PDGFD: variants seen among roughly 807,000 people sequenced by gnomAD.
The protein encoded by PDGFD is platelet derived growth factor D, also known as platelet-derived growth factor D.
In PDGFD, 30 loss-of-function variants were observed where a neutral mutation model predicts 44.7. That is an observed-to-expected ratio of 0.67 (90% confidence interval 0.50 to 0.91). The LOEUF is 0.91. Ranked by LOEUF, PDGFD falls within the 40% of genes least tolerant of loss-of-function variation. The probability of loss-of-function intolerance (pLI) is 0.00; values close to 1 mark genes in which losing one functional copy is unlikely to be tolerated. For missense variants in PDGFD, 445 were observed against 457.8 expected, an observed-to-expected ratio of 0.97 and a Z score of 0.25; for synonymous variants, 173 against 168.4, an observed-to-expected ratio of 1.03 and a Z score of -0.21.
chr11:104,066,133 A>T (rs150924859), intron 1 of PDGFD, among the ~76,000 whole-genome samples: 1 of 152,184 alleles, frequency 6.6e-6, no homozygotes, highest in Non-Finnish European at 1.5e-5. Context: ...GTAAAAATGG[A>T]GGGAAATCAC....
chr11:104,013,127 T>C (rs1257079513), intron 1 of PDGFD, among the ~76,000 whole-genome samples: 1 of 152,194 alleles, frequency 6.6e-6, no homozygotes, highest in African/African-American at 2.4e-5. Context: ...AATGTTGAAG[T>C]GTCTGAATGT....
In PDGFD at chr11:104,068,846, G is replaced by A. The variant is rs147297308; in HGVS notation, c.125-68591C>T. Among the ~76,000 whole-genome samples, 960 of 151,940 alleles carry A rather than the reference G, an allele frequency of 6.3e-3. 7 individuals carry two copies. Among genetic ancestry groups the A allele is most frequent in the African/African-American group, 0.022 (893 of 41,444 alleles). On this transcript the variant is annotated intron_variant, in intron 1 of 6. Transcript: ENST00000393158. ...CATATGCCTCTGTGTGTGTGTCTGC[G>A]TGTGTATTTTTTCTGAATTATTTCA...
chr11:104,055,144 C>A (rs1464294186), intron 1 of PDGFD, among the ~76,000 whole-genome samples: 1 of 152,196 alleles, frequency 6.6e-6, no homozygotes, highest in South Asian at 2.1e-4. Flanking sequence ...CTCCACTGTA[C>A]TACAAAACGC....
chr11:104,122,445 A>G (rs922340177), intron 1 of PDGFD, among the ~76,000 whole-genome samples: 2 of 151,940 alleles, frequency 1.3e-5, no homozygotes. Context: ...AATCTTTTGA[A>G]CCCTATGCAA....
chr11:103,926,956 A>G lies in PDGFD; in HGVS notation c.943T>C (p.Ser315Pro). 12 of 1,614,106 alleles carry G rather than the reference A, an allele frequency of 7.4e-6. No homozygotes were observed. The highest frequency in any genetic ancestry group is 1.0e-5 in the Non-Finnish European group (12 of 1,180,020). Residue 315 changes from serine (S) to proline (P), a missense_variant, in exon 6 of 7, where the codon TCC becomes CCC. By Grantham distance (74) the Ser-to-Pro change is moderately conservative. Coordinates refer to ENST00000393158, the MANE Select transcript of PDGFD (RefSeq NM_025208.5). ...NCGCGTVNWR[S>P]CTCNSGKTVK... ...GTTTTCCCTGAATTGCATGTGCAGG[A>G]CCTCCAGTTGACAGTTCCACAGCCA...
At chr11:103,928,415 G>A (rs141055633) in intron 5 of PDGFD, among the ~76,000 whole-genome samples, 1 of 152,298 alleles carries the variant, frequency 6.6e-6, no homozygotes, top group African/African-American at 2.4e-5. Context: ...CCTGGTAAAT[G>A]TCTTAGGCTT....
chr11:103,987,224 C>T (rs777154326), intron 3 of PDGFD, among the ~76,000 whole-genome samples: 4 of 152,114 alleles, frequency 2.6e-5, no homozygotes, highest in African/African-American at 7.2e-5. Flanking sequence ...AATAAATTGG[C>T]TCTGTCAAAG....
At chr11:104,025,957 T>C (rs1191854580) in intron 1 of PDGFD, among the ~76,000 whole-genome samples, 1 of 152,204 alleles carries the variant, frequency 6.6e-6, no homozygotes, top group Non-Finnish European at 1.5e-5. Flanking sequence ...ATGGGCTCTC[T>C]ACAAAGGCCC....
intron 1 of PDGFD, among the ~76,000 whole-genome samples, chr11:104,029,713 G>C (rs2134388552): frequency 6.6e-6 from 1 of 152,274 alleles, no homozygotes; most frequent in Admixed American, 6.5e-5. Context: ...AGGTGTCTTG[G>C]CCAGTGGCTA....
chr11:104,084,583 C>T (rs955786619), intron 1 of PDGFD, among the ~76,000 whole-genome samples: 7 of 148,764 alleles, frequency 4.7e-5, no homozygotes, highest in South Asian at 2.1e-4. Context: ...GATCTTTACA[C>T]ACTCTTTTTT....
chr11:104,073,538 A>G (rs1198634496), intron 1 of PDGFD, among the ~76,000 whole-genome samples: 1 of 152,210 alleles, frequency 6.6e-6, no homozygotes, highest in East Asian at 1.9e-4. Context: ...GGCTGTAAGA[A>G]AAAACAACTT....
chr11:103,951,086 T>C (rs1858749049), intron 3 of PDGFD, among the ~76,000 whole-genome samples: 1 of 152,184 alleles, frequency 6.6e-6, no homozygotes, highest in Non-Finnish European at 1.5e-5. Flanking sequence ...TGATAAAAGA[T>C]TTCATTAAGT....
rs937501432 is a variant in PDGFD at position 104,082,137 on chromosome 11, C to CATATATATATATATACATATATAT, written c.124+81666_124+81667insATATATATGTATATATATATATAT. Reference sequence around the variant, plus strand: ...TTGTTGATGTCCATATACATACATACATATATATATATGAAAAACAAAGTC... The same window carrying CATATATATATATATACATATATAT: ...TTGTTGATGTCCATATACATACATACATATATATATATATACATATATATATATATATATATGAAAAACAAAGTC... On this transcript the variant is annotated intron_variant, in intron 1 of 6. Coordinates refer to ENST00000393158, the MANE Select transcript of PDGFD (RefSeq NM_025208.5). Among the ~76,000 whole-genome samples the CATATATATATATATACATATATAT allele has an allele frequency of 1.6e-5, 2 of 123,222 alleles. 1 individual carries two copies. The highest frequency in any genetic ancestry group is 6.8e-5 in the African/African-American group (2 of 29,224). The allele number at this position is 123,222 out of a possible 152,430, so 80.8% of individuals were successfully genotyped here.
intron 1 of PDGFD, among the ~76,000 whole-genome samples, chr11:104,076,818 T>C (rs1299945516): frequency 6.6e-6 from 1 of 152,194 alleles, no homozygotes; most frequent in Non-Finnish European, 1.5e-5. Context: ...TCTCTCCTTC[T>C]CCTTCCTCAG....
intron 3 of PDGFD, among the ~76,000 whole-genome samples, chr11:103,991,506 A>G (rs1859452741): frequency 1.3e-5 from 2 of 152,234 alleles, no homozygotes. Context: ...TTTATTTTAG[A>G]AAGTGTTATA....
intron 1 of PDGFD, among the ~76,000 whole-genome samples, chr11:104,088,262 A>C (rs2134434910): frequency 6.6e-6 from 1 of 152,324 alleles, no homozygotes; most frequent in East Asian, 1.9e-4. Flanking sequence ...AATTTTACTG[A>C]CTCACAATTA....
At chr11:104,104,979 C>T (rs1400654489) in intron 1 of PDGFD, among the ~76,000 whole-genome samples, 1 of 152,086 alleles carries the variant, frequency 6.6e-6, no homozygotes, top group Non-Finnish European at 1.5e-5. Context: ...TGTTGCTCAC[C>T]ATGTATACCA....
chr11:103,955,571 C>A (rs931662124), intron 3 of PDGFD, among the ~76,000 whole-genome samples: 1 of 152,196 alleles, frequency 6.6e-6, no homozygotes, highest in Non-Finnish European at 1.5e-5. Context: ...CAAACTAGCT[C>A]TTCTACACAT....
chr11:104,037,505 A>G (rs143468518), intron 1 of PDGFD: 3 of 1,614,110 alleles, frequency 1.9e-6, no homozygotes, highest in South Asian at 2.2e-5. Flanking sequence ...GAAAACATGA[A>G]TATAGCGATA....
Sources: gnomAD v4.1 joint callset for allele counts (sites outside exome capture counted in the v4.1 genomes callset) on GRCh38, gnomAD v4.1.1 for gene constraint, MANE v1.5 for transcripts, NCBI Gene and HGNC (gene_info 2026-07-23, HGNC 2026-07-21) for gene names.